ARHGAP24: variants seen among roughly 807,000 people sequenced by gnomAD.
The protein encoded by ARHGAP24 is rho GTPase-activating protein 24.
A neutral mutation model predicts 76.4 loss-of-function variants in ARHGAP24; 50 were observed. That is an observed-to-expected ratio of 0.65 (90% confidence interval 0.52 to 0.83). The LOEUF (loss-of-function observed/expected upper bound fraction) is 0.83, where lower values mean the gene tolerates loss of function less well. Among genes scored for constraint, ARHGAP24 ranks in the 40% least tolerant of loss-of-function variants. The pLI is 0.00. For synonymous variants in ARHGAP24, 345 were observed against 323.3 expected (o/e 1.07, Z -0.72); for missense variants, 930 against 914.2 (o/e 1.02, Z -0.22).
intron 4 of ARHGAP24, among the ~76,000 whole-genome samples, chr4:85,928,067 A>G (rs550106450): frequency 3.3e-5 from 5 of 152,212 alleles, no homozygotes; most frequent in Non-Finnish European, 7.4e-5. Context: ...GAATCTACAT[A>G]GCTCAACTTT....
At chr4:85,737,306 C>A (rs1301382550) in intron 3 of ARHGAP24, among the ~76,000 whole-genome samples, 1 of 152,152 alleles carries the variant, frequency 6.6e-6, no homozygotes, top group African/African-American at 2.4e-5. Context: ...GATTTGATTT[C>A]TGCTTCCTTT....
intron 2 of ARHGAP24, among the ~76,000 whole-genome samples, chr4:85,708,275 C>A (rs574501748): frequency 1.1e-3 from 166 of 152,058 alleles, no homozygotes; most frequent in Admixed American, 2.0e-3. Flanking sequence ...CTAGTAATTA[C>A]CAAATTAGTT....
chr4:85,478,572 C>T (rs1429827263), intron 1 of ARHGAP24, among the ~76,000 whole-genome samples: 2 of 152,232 alleles, frequency 1.3e-5, no homozygotes, highest in Non-Finnish European at 2.9e-5. Context: ...TCAGATCTAA[C>T]TGTGTAAGTC....
At chr4:85,966,848 C>T (rs1738647269) in intron 5 of ARHGAP24, among the ~76,000 whole-genome samples, 2 of 152,090 alleles carry the variant, frequency 1.3e-5, no homozygotes, top group Admixed American at 1.3e-4. Flanking sequence ...TCTTTAATAA[C>T]TTCCTGTGTG....
At chr4:85,619,849 G>C (rs1720657975) in intron 2 of ARHGAP24, among the ~76,000 whole-genome samples, 2 of 151,608 alleles carry the variant, frequency 1.3e-5, no homozygotes, top group Admixed American at 6.6e-5. Context: ...TATCTAATTT[G>C]TTGAGAGTTT....
At chr4:85,706,170 T>C (rs1482082) in intron 2 of ARHGAP24, among the ~76,000 whole-genome samples, 6,396 of 152,264 alleles carry the variant, frequency 0.042, 425 homozygotes, top group African/African-American at 0.15. Flanking sequence ...TGAGTAACTT[T>C]AAACTACTTT....
intron 3 of ARHGAP24, among the ~76,000 whole-genome samples, chr4:85,856,075 A>G (rs1731541010): frequency 6.6e-6 from 1 of 152,182 alleles, no homozygotes; most frequent in African/African-American, 2.4e-5. Context: ...AATTCCCACC[A>G]GCATGTTTAA....
At chr4:85,508,740 C>T (rs900632721) in intron 1 of ARHGAP24, among the ~76,000 whole-genome samples, 9 of 152,122 alleles carry the variant, frequency 5.9e-5, no homozygotes, top group Non-Finnish European at 1.0e-4. Context: ...CATCTTTCTC[C>T]CCTCTCCACG....
rs367883178 is a variant in ARHGAP24 at position 85,539,914 on chromosome 4, G to A, written c.-20-30608G>A. On this transcript the variant is annotated intron_variant, in intron 1 of 9. Transcript: ENST00000395184. ...ACAAAAATTAGCTGGGTGTGGTGGC[G>A]GGTTCCTGTAGTCCCAGCAACTTGG... Among the ~76,000 whole-genome samples, 767 of 152,120 alleles carry A rather than the reference G, an allele frequency of 5.0e-3. 8 individuals carry two copies. Among genetic ancestry groups the A allele is most frequent in the South Asian group, 0.036 (172 of 4,818 alleles).
intron 5 of ARHGAP24, among the ~76,000 whole-genome samples, chr4:85,969,434 TAC>T (rs1560753683): frequency 6.6e-6 from 1 of 152,070 alleles, no homozygotes; most frequent in East Asian, 1.9e-4. Flanking sequence ...ATGCAAATTA[TAC>T]ATAACATACT....
intron 3 of ARHGAP24, among the ~76,000 whole-genome samples, chr4:85,759,581 G>A (rs1726657746): frequency 6.6e-6 from 1 of 152,238 alleles, no homozygotes; most frequent in South Asian, 2.1e-4. Flanking sequence ...TATCCACACC[G>A]AGTCACATGA....
intron 2 of ARHGAP24, among the ~76,000 whole-genome samples, chr4:85,571,489 G>A (rs1175674724): frequency 6.6e-6 from 1 of 152,188 alleles, no homozygotes; most frequent in East Asian, 1.9e-4. Flanking sequence ...ATACATGAGA[G>A]AAGAAACATT....
chr4:85,942,234 A>G lies in ARHGAP24; in HGVS notation c.560A>G (p.Gln187Arg). The G allele has an allele frequency of 6.2e-7, 1 of 1,614,108 alleles. No individual in the cohort carries two copies. Among genetic ancestry groups the G allele is most frequent in the Non-Finnish European group, 8.5e-7 (1 of 1,180,000 alleles). Residue 187 changes from glutamine (Q) to arginine (R), a missense_variant, in exon 5 of 10, where the codon CAA (glutamine) becomes CGA (arginine). Physicochemically the swap from Gln to Arg is conservative, Grantham distance 43. Coordinates refer to ENST00000395184, the MANE Select transcript of ARHGAP24 (RefSeq NM_001025616.3). ...PGQANLVKELQDAFDCGEKPS... is the reference protein window; with the variant it reads ...PGQANLVKELRDAFDCGEKPS... Reference sequence around the variant, plus strand: ...CAGGCTAATCTTGTTAAGGAGCTCCAAGATGCCTTTGACTGTGGGGAGAAG... The same window carrying G: ...CAGGCTAATCTTGTTAAGGAGCTCCGAGATGCCTTTGACTGTGGGGAGAAG...
chr4:85,937,880 G>A (rs1046399820), intron 4 of ARHGAP24, among the ~76,000 whole-genome samples: 5 of 152,186 alleles, frequency 3.3e-5, no homozygotes, highest in Non-Finnish European at 1.5e-5. Context: ...ATACTTCACT[G>A]GGAATTGAGG....
chr4:85,779,032 T>G (rs964652010), intron 3 of ARHGAP24: 2 of 974,380 alleles, frequency 2.1e-6, no homozygotes, highest in Admixed American at 6.1e-5. Flanking sequence ...TAGTGGTCAT[T>G]TGACCTTTTT....
intron 2 of ARHGAP24, among the ~76,000 whole-genome samples, chr4:85,610,056 G>T (rs1391069760): frequency 1.3e-5 from 2 of 152,238 alleles, no homozygotes; most frequent in East Asian, 3.9e-4. Flanking sequence ...TTGTTTATTT[G>T]TGTCAGGTCC....
chr4:85,686,081 G>C (rs1420269589), intron 2 of ARHGAP24, among the ~76,000 whole-genome samples: 1 of 152,174 alleles, frequency 6.6e-6, no homozygotes, highest in Non-Finnish European at 1.5e-5. Context: ...CAGGATAGTT[G>C]GTAGTTTTCC....
chr4:85,676,546 A>G (rs929363224), intron 2 of ARHGAP24, among the ~76,000 whole-genome samples: 5 of 152,154 alleles, frequency 3.3e-5, no homozygotes, highest in Non-Finnish European at 5.9e-5. Context: ...ACTCTAACCA[A>G]GTGGGAAAAG....
chr4:85,935,998 G>A (rs977564535), intron 4 of ARHGAP24, among the ~76,000 whole-genome samples: 1 of 152,190 alleles, frequency 6.6e-6, no homozygotes, highest in Non-Finnish European at 1.5e-5. Flanking sequence ...GTGATAGAGT[G>A]AAATAAGCTT....
Sources: gnomAD v4.1 joint callset for allele counts (sites outside exome capture counted in the v4.1 genomes callset) on GRCh38, gnomAD v4.1.1 for gene constraint, MANE v1.5 for transcripts, NCBI Gene and HGNC (gene_info 2026-07-23, HGNC 2026-07-21) for gene names.